Variants in OGDH observed in about 807,000 individuals in gnomAD.
OGDH encodes oxoglutarate dehydrogenase, also known as 2-oxoglutarate dehydrogenase complex component E1.
OGDH carries 38 observed loss-of-function variants against 116.6 expected under a neutral mutation model. The ratio of observed to expected loss-of-function variants is 0.33; its 90% CI spans 0.25 to 0.43. The LOEUF is 0.43. Ranked by LOEUF, OGDH falls within the 20% of genes least tolerant of loss-of-function variation. OGDH has a pLI of 1.00. For synonymous variants in OGDH, 488 were observed against 533.3 expected (o/e 0.92, Z 1.17); for missense variants, 825 against 1,357.2 (o/e 0.61, Z 6.16).
At chr7:44,643,421 A>G (rs1425385187) in intron 2 of OGDH, among the ~76,000 whole-genome samples, 1 of 152,220 alleles carries the variant, frequency 6.6e-6, no homozygotes, top group African/African-American at 2.4e-5. Context: ...GGGAAGGAAA[A>G]AAAAAGTATT....
rs1787585100 is a variant in OGDH at position 44,674,079 on chromosome 7, A to G, written c.788+138A>G. The G allele has an allele frequency of 6.1e-6, 6 of 978,368 alleles. No homozygotes were observed. The Admixed American group carries it at 9.6e-5, about 16-fold the overall frequency. 60.6% of individuals were successfully genotyped at this position (978,368 alleles called of 1,614,324 possible). A position where few individuals can be genotyped will look rare whatever the true frequency, so the allele number is the denominator to read the frequency against. On this transcript the variant is annotated intron_variant, in intron 6 of 22. Coordinates refer to ENST00000222673, the MANE Select transcript of OGDH (RefSeq NM_002541.4). ...GTGGTACAGGCAAAGCTCCATCTGC[A>G]CATGTGTGAAGAGACACCAGACAAG...
At chr7:44,607,788 C>T (rs565328157) in intron 1 of OGDH, among the ~76,000 whole-genome samples, 49 of 152,202 alleles carry the variant, frequency 3.2e-4, no homozygotes, top group Non-Finnish European at 6.5e-4. Flanking sequence ...GCAACCTCTG[C>T]CTTCCTGGGT....
At chr7:44,634,725 C>T (rs1157868539) in intron 2 of OGDH, among the ~76,000 whole-genome samples, 2 of 152,184 alleles carry the variant, frequency 1.3e-5, no homozygotes, top group Admixed American at 6.5e-5. Context: ...CAGTGCCCTA[C>T]CTTGTTTTTG....
At position 44,707,844 on chromosome 7, in the gene OGDH, C is replaced by G; in HGVS notation, c.2952-35C>G. ...GGATGGGCTGGGCCAACTCAGTGTCCCCTGCCCTCACTGCCCCCTCCCTCC... is the reference window on the plus strand; with the variant it reads ...GGATGGGCTGGGCCAACTCAGTGTCGCCTGCCCTCACTGCCCCCTCCCTCC... On this transcript the variant is annotated intron_variant, in intron 22 of 22. Coordinates refer to ENST00000222673, the MANE Select transcript of OGDH (RefSeq NM_002541.4). This position sits in a 1 kb window ranked among gnomAD's most constrained non-coding sequence, Gnocchi z 5.2. 3.1e-6 allele frequency: 5 copies of G among 1,609,438 alleles called. No homozygotes were observed. The highest frequency in any genetic ancestry group is 4.2e-6 in the Non-Finnish European group (5 of 1,177,830).
chr7:44,658,216 T>C (rs1423850967), intron 4 of OGDH, among the ~76,000 whole-genome samples: 1 of 152,224 alleles, frequency 6.6e-6, no homozygotes, highest in African/African-American at 2.4e-5. Flanking sequence ...TTTACCATGT[T>C]GTCTTCCAAT....
intron 4 of OGDH, among the ~76,000 whole-genome samples, chr7:44,651,801 TC>T (rs1786459279): frequency 1.3e-5 from 2 of 152,166 alleles, no homozygotes; most frequent in African/African-American, 4.8e-5. Flanking sequence ...CCTCAGGTGA[TC>T]CACCTGCCTT....
chr7:44,687,927 T>A (rs1214906447), intron 10 of OGDH, among the ~76,000 whole-genome samples: 3 of 152,030 alleles, frequency 2.0e-5, no homozygotes, highest in Non-Finnish European at 4.4e-5. Context: ...TACCCCTCCA[T>A]CCTCCCAAGC....
chr7:44,666,571 G>A (rs1381795366), intron 4 of OGDH, 165 bp from the exon 5 acceptor site: 3 of 384,158 alleles, frequency 7.8e-6, no homozygotes, highest in East Asian at 7.6e-5. Flanking sequence ...GTTTCTGGCT[G>A]TAAAATATTA....
chr7:44,671,992 C>T (rs1257348132), intron 5 of OGDH, among the ~76,000 whole-genome samples: 1 of 151,906 alleles, frequency 6.6e-6, no homozygotes, highest in African/African-American at 2.4e-5. Flanking sequence ...TGGTGTGAAC[C>T]CAGGAGGCAG....
intron 4 of OGDH, among the ~76,000 whole-genome samples, chr7:44,648,731 C>G (rs1786303652): frequency 6.6e-6 from 1 of 152,140 alleles, no homozygotes; most frequent in Admixed American, 6.5e-5. Flanking sequence ...CATTAATCAT[C>G]AAACATCATT....
chr7:44,635,695 A>G (rs567294584), intron 2 of OGDH, among the ~76,000 whole-genome samples: 11 of 151,942 alleles, frequency 7.2e-5, no homozygotes, highest in African/African-American at 1.9e-4. Context: ...GTATATGTGC[A>G]AGGACTTTAT....
At position 44,694,713 on chromosome 7, in the gene OGDH, G is replaced by A. The variant is rs1011721399; in HGVS notation, c.1668+137G>A. Reference sequence around the variant, plus strand: ...AGGATGTGAAATATTTACAACTACAGCATTTCAATGCATAACTTTTTGGAG... The same window carrying A: ...AGGATGTGAAATATTTACAACTACAACATTTCAATGCATAACTTTTTGGAG... On this transcript the variant is annotated intron_variant, in intron 12 of 22. Coordinates refer to ENST00000222673, the MANE Select transcript of OGDH (RefSeq NM_002541.4). This position sits in a 1 kb window ranked among gnomAD's most constrained non-coding sequence, Gnocchi z 4.2. The A allele has an allele frequency of 1.5e-5, 14 of 930,248 alleles. No homozygotes were observed. The highest frequency in any genetic ancestry group is 2.1e-5 in the Non-Finnish European group (13 of 624,310). 57.6% of individuals were successfully genotyped at this position (930,248 alleles called of 1,614,324 possible). A position where few individuals can be genotyped will look rare whatever the true frequency, so the allele number is the denominator to read the frequency against.
In OGDH at chr7:44,694,368, A is replaced by G. The variant is rs1032254326; in HGVS notation, c.1516-56A>G. On this transcript the variant is annotated intron_variant, in intron 11 of 22. Transcript: ENST00000222673. The surrounding 1 kb of genome is among the most constrained non-coding windows in gnomAD (Gnocchi z 4.2). Reference sequence around the variant, plus strand: ...GAGATGGGGCAGGTGCCTGAACAGCACTTCTTCCCAAGGGGCCAGCCCTTG... The same window carrying G: ...GAGATGGGGCAGGTGCCTGAACAGCGCTTCTTCCCAAGGGGCCAGCCCTTG... 2 of 1,599,104 alleles carry G rather than the reference A, an allele frequency of 1.3e-6. No homozygotes were observed. Among genetic ancestry groups the G allele is most frequent in the African/African-American group, 2.7e-5 (2 of 74,620 alleles).
At position 44,672,824 on chromosome 7, in the gene OGDH, G is replaced by T. The variant is rs546348560; in HGVS notation, c.634-963G>T. 7.2e-5 allele frequency among the ~76,000 whole-genome samples: 11 copies of T among 152,042 alleles called. No individual in the cohort carries two copies. In the East Asian group the frequency reaches 1.9e-3, roughly 27 times the overall value. On this transcript the variant is annotated intron_variant, in intron 5 of 22. Coordinates refer to ENST00000222673, the MANE Select transcript of OGDH (RefSeq NM_002541.4). ...TACCTGGCTAATTTTTGTATTTTTA[G>T]TAGAGACGGGGTTTCACCATATTGG... is the stretch of plus-strand genomic sequence containing the variant.
rs1331814555 is a variant in OGDH, at chr7:44,696,412, T to A, written c.1772-17T>A. On this transcript the variant is annotated splice_polypyrimidine_tract_variant and intron_variant, in intron 13 of 22. Coordinates refer to ENST00000222673, the MANE Select transcript of OGDH (RefSeq NM_002541.4). ...AGTAGAGCAGATGTCATGCCTCAGT[T>A]GTTCTTCTTCTCCTAGGCTTCTTCA... The A allele has an allele frequency of 1.2e-6, 2 of 1,608,224 alleles. No individual in the cohort carries two copies. The highest frequency in any genetic ancestry group is 1.7e-6 in the Non-Finnish European group (2 of 1,177,928).
chr7:44,700,320 G>T, intron 19 of OGDH, 51 bp downstream of exon 19: 1 of 1,605,034 alleles, frequency 6.2e-7, no homozygotes, highest in Non-Finnish European at 8.5e-7. Context: ...CTGCCCTGTT[G>T]GTGCAGGGAA....
intron 2 of OGDH, among the ~76,000 whole-genome samples, chr7:44,634,541 G>A (rs1785582302): frequency 6.6e-6 from 1 of 152,188 alleles, no homozygotes; most frequent in South Asian, 2.1e-4. Context: ...TTACACACCT[G>A]TACAGACAGA....
At chr7:44,636,183 A>G (rs931521297) in intron 2 of OGDH, among the ~76,000 whole-genome samples, 2 of 152,248 alleles carry the variant, frequency 1.3e-5, no homozygotes, top group Non-Finnish European at 2.9e-5. Flanking sequence ...AGTCAGTCCT[A>G]CTGGTCTGTG....
chr7:44,625,281 C>T (rs952511047), intron 2 of OGDH, among the ~76,000 whole-genome samples: 13 of 152,158 alleles, frequency 8.5e-5, no homozygotes, highest in African/African-American at 2.4e-4. Context: ...CACGTCACCA[C>T]GCCTGACTAG....
Sources: allele counts gnomAD v4.1 joint callset (sites outside exome capture counted in the v4.1 genomes callset), GRCh38; gene constraint gnomAD v4.1.1; non-coding constraint Gnocchi (gnomAD v3.1); transcripts MANE v1.5; gene names NCBI Gene and HGNC (gene_info 2026-07-23, HGNC 2026-07-21).